Variants in PDSS2 observed in about 807,000 individuals in gnomAD.
The protein encoded by PDSS2 is all trans-polyprenyl-diphosphate synthase PDSS2.
Under a neutral mutation model 44.5 loss-of-function variants are expected in PDSS2, and 31 were observed. That is an observed-to-expected ratio of 0.70 (90% CI 0.52 to 0.94). The LOEUF (loss-of-function observed/expected upper bound fraction) is 0.94. Among genes scored for constraint, PDSS2 ranks in the 40% least tolerant of loss-of-function variants. The probability of loss-of-function intolerance (pLI) is 0.00; values close to 1 mark genes in which losing one functional copy is unlikely to be tolerated. For synonymous variants in PDSS2, 157 were observed against 180.3 expected (o/e 0.87, Z 1.03); for missense variants, 452 against 482.2 (o/e 0.94, Z 0.59).
intron 1 of PDSS2, among the ~76,000 whole-genome samples, chr6:107,401,967 A>G (rs1780118844): frequency 6.6e-6 from 1 of 152,142 alleles, no homozygotes; most frequent in South Asian, 2.1e-4. Flanking sequence ...ACATGGTGAA[A>G]CCCTGTCTCT....
At chr6:107,328,216 G>A (rs552729837) in intron 2 of PDSS2, among the ~76,000 whole-genome samples, 4 of 152,292 alleles carry the variant, frequency 2.6e-5, no homozygotes, top group African/African-American at 7.2e-5. Flanking sequence ...AAGGGTTCTC[G>A]ATGTATTAAC....
intron 7 of PDSS2, among the ~76,000 whole-genome samples, 159 bp from the exon 8 acceptor site, chr6:107,154,936 C>G (rs1554245285): frequency 6.6e-6 from 1 of 152,102 alleles, no homozygotes; most frequent in Non-Finnish European, 1.5e-5. Context: ...ACATCATTTC[C>G]CAGTGATCTT....
chr6:107,181,541 AAAG>A lies in PDSS2; in HGVS notation c.1041+12278_1041+12280del, dbSNP rs1219049621. On this transcript the variant is annotated intron_variant, in intron 7 of 7. Transcript: ENST00000369037. The stretch of plus-strand genomic sequence containing the variant: ...AGAGTGAATCTCTGTCTCAAAAAAA[AAAG>A]AAAAGAAAAGAAAAGAAAAAGAAAT... Among the ~76,000 whole-genome samples, 15 of 144,122 alleles carry A rather than the reference AAAG, an allele frequency of 1.0e-4. No individual in the cohort carries two copies. In the East Asian group the frequency reaches 2.3e-3, roughly 22 times the overall value. The allele number at this position is 144,122 out of a possible 152,430, so 94.5% of individuals were successfully genotyped here.
intron 7 of PDSS2, among the ~76,000 whole-genome samples, chr6:107,162,354 A>G (rs1554246836): frequency 6.6e-6 from 1 of 151,710 alleles, no homozygotes; most frequent in African/African-American, 2.4e-5. Context: ...TTAGCCCGGT[A>G]TGGTGGCGTG....
intron 1 of PDSS2, among the ~76,000 whole-genome samples, chr6:107,408,341 T>C (rs1421311611): frequency 1.3e-5 from 2 of 152,200 alleles, no homozygotes; most frequent in African/African-American, 4.8e-5. Flanking sequence ...AAATGATTAT[T>C]TAACACTCCT....
At chr6:107,298,650 T>C (rs1776591009) in intron 2 of PDSS2, among the ~76,000 whole-genome samples, 1 of 152,212 alleles carries the variant, frequency 6.6e-6, no homozygotes, top group Non-Finnish European at 1.5e-5. Context: ...TATGCATATA[T>C]GTGTGTGTAT....
chr6:107,339,036 T>G (rs1286932661), intron 1 of PDSS2, among the ~76,000 whole-genome samples: 4 of 152,150 alleles, frequency 2.6e-5, no homozygotes, highest in Admixed American at 2.6e-4. Flanking sequence ...AAGTATTACT[T>G]TAGAGACTGA....
chr6:107,351,599 A>C (rs1031217769), intron 1 of PDSS2, among the ~76,000 whole-genome samples: 4 of 152,182 alleles, frequency 2.6e-5, no homozygotes, highest in Non-Finnish European at 4.4e-5. Flanking sequence ...TCTCTATAAT[A>C]TATAAGCACA....
At chr6:107,206,611 T>C (rs966366753) in intron 6 of PDSS2, among the ~76,000 whole-genome samples, 4 of 134,674 alleles carry the variant, frequency 3.0e-5, no homozygotes, top group Non-Finnish European at 6.5e-5. Context: ...TGGACCACAC[T>C]GGAAGAAGAA....
chr6:107,315,949 C>T (rs768908730), intron 2 of PDSS2, among the ~76,000 whole-genome samples: 1 of 152,152 alleles, frequency 6.6e-6, no homozygotes, highest in Non-Finnish European at 1.5e-5. Context: ...TTTAAAAATG[C>T]TCTTCCTAAT....
At chr6:107,200,423 C>T (rs1244191620) in intron 6 of PDSS2, among the ~76,000 whole-genome samples, 1 of 152,168 alleles carries the variant, frequency 6.6e-6, no homozygotes, top group Non-Finnish European at 1.5e-5. Flanking sequence ...ACCTGGGTAG[C>T]TTGCGAAAAA....
intron 1 of PDSS2, among the ~76,000 whole-genome samples, chr6:107,446,971 A>T (rs925796851): frequency 6.6e-6 from 1 of 152,066 alleles, no homozygotes; most frequent in African/African-American, 2.4e-5. Flanking sequence ...TCATTCCAGC[A>T]TTAACCCAAA....
intron 1 of PDSS2, among the ~76,000 whole-genome samples, chr6:107,454,818 C>T (rs941086676): frequency 1.4e-4 from 22 of 152,170 alleles, no homozygotes; most frequent in African/African-American, 5.3e-4. Context: ...AAAAAAAATA[C>T]AGCTGCTTAA....
chr6:107,235,262 C>A (rs930999441), intron 4 of PDSS2, among the ~76,000 whole-genome samples: 1 of 152,102 alleles, frequency 6.6e-6, no homozygotes, highest in African/African-American at 2.4e-5. Flanking sequence ...ACAGATCCTC[C>A]CTAAAGTCTT....
intron 1 of PDSS2, among the ~76,000 whole-genome samples, chr6:107,396,310 C>T (rs975208902): frequency 2.6e-5 from 4 of 152,170 alleles, no homozygotes; most frequent in Non-Finnish European, 4.4e-5. Flanking sequence ...TGTCTCCCAC[C>T]ATTCAGCAAT....
At chr6:107,242,026 G>C (rs569851924) in intron 4 of PDSS2, among the ~76,000 whole-genome samples, 93 of 152,260 alleles carry the variant, frequency 6.1e-4, no homozygotes, top group African/African-American at 2.2e-3. Context: ...CACTCCATGT[G>C]GGGGCAGTGC....
At chr6:107,411,462 C>A (rs1780491256) in intron 1 of PDSS2, among the ~76,000 whole-genome samples, 1 of 152,100 alleles carries the variant, frequency 6.6e-6, no homozygotes, top group Non-Finnish European at 1.5e-5. Flanking sequence ...ATTTGCATTT[C>A]TTTTTTATTT....
chr6:107,343,933 T>A (rs1459281573), intron 1 of PDSS2, among the ~76,000 whole-genome samples: 1 of 152,172 alleles, frequency 6.6e-6, no homozygotes, highest in African/African-American at 2.4e-5. Context: ...ATTTCTTAAG[T>A]TGCACACAAG....
chr6:107,402,566 C>CGT (rs1562516562), intron 1 of PDSS2, among the ~76,000 whole-genome samples: 2 of 74,008 alleles, frequency 2.7e-5, no homozygotes, highest in African/African-American at 5.0e-5. Flanking sequence ...AATATATATA[C>CGT]ATGTGTATAT....
Sources: allele counts gnomAD v4.1 joint callset (sites outside exome capture counted in the v4.1 genomes callset), GRCh38; gene constraint gnomAD v4.1.1; transcripts MANE v1.5; gene names NCBI Gene and HGNC (gene_info 2026-07-23, HGNC 2026-07-21).